The following ICA1 variants were observed in gnomAD, a reference collection of about 807,000 sequenced individuals.
ICA1 encodes the protein 69 kDa islet cell autoantigen.
A neutral mutation model predicts 71.0 loss-of-function variants in ICA1; 40 were observed. The ratio of observed to expected loss-of-function variants is 0.56; its 90% CI spans 0.44 to 0.73. The LOEUF is 0.73. Among genes scored for constraint, ICA1 ranks in the 30% least tolerant of loss-of-function variants. The pLI, the probability that ICA1 is intolerant of heterozygous loss-of-function variation, is 0.00. For missense variants in ICA1, 578 were observed against 576.5 expected (o/e 1.00, Z -0.03); for synonymous variants, 207 against 209.5 (o/e 0.99, Z 0.10).
At chr7:8,131,903 C>G (rs966058101) in intron 12 of ICA1, among the ~76,000 whole-genome samples, 1 of 152,170 alleles carries the variant, frequency 6.6e-6, no homozygotes, top group Non-Finnish European at 1.5e-5. Flanking sequence ...GTAAGAAACT[C>G]CCAACTGGAG....
At chr7:8,231,630 T>C (rs1295958837) in intron 3 of ICA1, among the ~76,000 whole-genome samples, 12 of 152,130 alleles carry the variant, frequency 7.9e-5, no homozygotes, top group Admixed American at 6.5e-4. Context: ...GTAGGTACAA[T>C]AGTAGCCCAG....
At chr7:8,189,588 C>T (rs1477650985) in intron 6 of ICA1, among the ~76,000 whole-genome samples, 1 of 152,036 alleles carries the variant, frequency 6.6e-6, no homozygotes, top group Non-Finnish European at 1.5e-5. Context: ...AATGGTGGTT[C>T]GGTTCCCAGG....
intron 1 of ICA1, among the ~76,000 whole-genome samples, chr7:8,260,437 G>C (rs547137830): frequency 6.6e-6 from 1 of 152,246 alleles, no homozygotes; most frequent in Non-Finnish European, 1.5e-5. Flanking sequence ...AGTATCTTTA[G>C]CACTCAATGA....
chr7:8,156,750 A>T, intron 8 of ICA1: 2 of 1,328,282 alleles, frequency 1.5e-6, no homozygotes, highest in Non-Finnish European at 2.0e-6. Context: ...AACTGAGTTT[A>T]TGGGACTTGT....
intron 8 of ICA1, among the ~76,000 whole-genome samples, chr7:8,153,791 T>C (rs1562712730): frequency 6.6e-6 from 1 of 150,502 alleles, no homozygotes. Flanking sequence ...TCCCAGATGA[T>C]TTAGCATCAA....
intron 6 of ICA1, among the ~76,000 whole-genome samples, chr7:8,185,944 GAC>G (rs1256649012): frequency 6.6e-6 from 1 of 152,196 alleles, no homozygotes; most frequent in Non-Finnish European, 1.5e-5. Context: ...TTGTTAATCA[GAC>G]ACAGTTTCTT....
At chr7:8,175,814 A>T (rs1264116853) in intron 6 of ICA1, among the ~76,000 whole-genome samples, 1 of 152,166 alleles carries the variant, frequency 6.6e-6, no homozygotes, top group African/African-American at 2.4e-5. Flanking sequence ...ACTGGATCAA[A>T]ATCTCAAAAT....
chr7:8,155,744 G>C (rs761621848), intron 8 of ICA1, among the ~76,000 whole-genome samples: 15 of 152,160 alleles, frequency 9.9e-5, no homozygotes, highest in Non-Finnish European at 2.1e-4. Context: ...GCCTGTATAA[G>C]AATTGTGAAT....
At chr7:8,152,540 TACCATCACCACCTCC>T (rs1799193549) in intron 8 of ICA1, among the ~76,000 whole-genome samples, 1 of 64,768 alleles carries the variant, frequency 1.5e-5, no homozygotes, top group Non-Finnish European at 3.8e-5. Flanking sequence ...CTACTGCTAT[TACCATCACCACCTCC>T]ACCACCACCA....
intron 13 of ICA1, among the ~76,000 whole-genome samples, chr7:8,127,338 C>A (rs949170084): frequency 3.2e-4 from 48 of 151,922 alleles, no homozygotes; most frequent in African/African-American, 1.2e-3. Context: ...TTTTCTGTGG[C>A]TGAGGAGGTA....
intron 12 of ICA1, among the ~76,000 whole-genome samples, chr7:8,135,105 C>T (rs1289036633): frequency 1.3e-5 from 2 of 152,092 alleles, no homozygotes; most frequent in East Asian, 1.9e-4. Flanking sequence ...CGGTTCACTG[C>T]AACCTCCGCC....
chr7:8,149,064 A>G (rs35769423), intron 8 of ICA1, among the ~76,000 whole-genome samples: 17,808 of 152,226 alleles, frequency 0.12, 1,151 homozygotes, highest in Non-Finnish European at 0.15. Flanking sequence ...CAGGGGTGAC[A>G]ATATTTTCTG....
intron 6 of ICA1, among the ~76,000 whole-genome samples, chr7:8,206,474 A>G (rs530090352): frequency 1.3e-5 from 2 of 152,170 alleles, no homozygotes; most frequent in Admixed American, 1.3e-4. Flanking sequence ...ATTTTTGCCA[A>G]TTTAAGAAAC....
intron 6 of ICA1, among the ~76,000 whole-genome samples, chr7:8,167,730 A>G (rs901018105): frequency 2.0e-5 from 3 of 152,174 alleles, no homozygotes; most frequent in African/African-American, 7.2e-5. Flanking sequence ...TTATAGGCCA[A>G]ATTCCACTGA....
Position 8,232,670 on chromosome 7 carries a change from G to A in ICA1, c.103C>T (p.Gln35Ter). ...KMQQKYWETK[Q>*]AFIKATGKKE... ...TTCCCTGTGGCTTTAATAAAGGCCT[G>A]CTTCGTCTCCCAATATTTCTGTTGC... Residue 35 changes from glutamine to a stop codon, truncating the protein, a stop_gained, in exon 3 of 14, where the codon CAG (glutamine) becomes TAG (stop). Coordinates refer to ENST00000402384, the MANE Select transcript of ICA1 (RefSeq NM_001136020.3). LOFTEE classifies it high-confidence loss of function. 1 of 1,613,146 alleles carries A rather than the reference G, an allele frequency of 6.2e-7. No homozygotes were observed. The highest frequency in any genetic ancestry group is 8.5e-7 in the Non-Finnish European group (1 of 1,179,506).
chr7:8,234,868 T>C lies in ICA1; in HGVS notation c.17+1042A>G, dbSNP rs1220468238. Among the ~76,000 whole-genome samples the C allele has an allele frequency of 1.3e-5, 2 of 152,154 alleles. No individual in the cohort carries two copies. Among genetic ancestry groups the C allele is most frequent in the Middle Eastern group, 3.2e-3 (1 of 316 alleles). On this transcript the variant is annotated intron_variant, in intron 2 of 13. Coordinates refer to ENST00000402384, the MANE Select transcript of ICA1 (RefSeq NM_001136020.3). This position sits in a 1 kb window ranked among gnomAD's most constrained non-coding sequence, Gnocchi z 4.5. ...GAATGGCATTCTCAAGAGTGGGCCA[T>C]AGAATGGATTTCTTTGGCCGGGCGC...
intron 12 of ICA1, among the ~76,000 whole-genome samples, chr7:8,128,521 C>T (rs1197537188): frequency 6.6e-6 from 1 of 152,172 alleles, no homozygotes; most frequent in African/African-American, 2.4e-5. Context: ...CCACGCAAGC[C>T]CTCAATACAC....
chr7:8,155,400 C>T (rs35808857), intron 8 of ICA1, among the ~76,000 whole-genome samples: 19,382 of 152,168 alleles, frequency 0.13, 1,425 homozygotes, highest in Non-Finnish European at 0.17. Flanking sequence ...GCAGGATAAA[C>T]GTCGTAGCAA....
intron 1 of ICA1, among the ~76,000 whole-genome samples, chr7:8,245,415 G>C (rs1173633428): frequency 2.4e-5 from 3 of 126,750 alleles, no homozygotes; most frequent in East Asian, 5.6e-4. Context: ...GTTGTGGGGT[G>C]GGGGGTGGGG....
Sources: allele counts gnomAD v4.1 joint callset (sites outside exome capture counted in the v4.1 genomes callset), GRCh38; gene constraint gnomAD v4.1.1; non-coding constraint Gnocchi (gnomAD v3.1); transcripts MANE v1.5; gene names NCBI Gene and HGNC (gene_info 2026-07-23, HGNC 2026-07-21).